The following LOXL3 variants were observed in gnomAD, a reference collection of about 807,000 sequenced individuals.
The protein encoded by LOXL3 is lysyl oxidase like 3.
Under a neutral mutation model 91.8 loss-of-function variants are expected in LOXL3, and 60 were observed. That is an observed-to-expected ratio of 0.65 (90% CI 0.53 to 0.81). LOXL3 has a LOEUF of 0.81. Ranked by LOEUF, LOXL3 falls within the 30% of genes least tolerant of loss-of-function variation. LOXL3 has a pLI of 0.00. For missense variants in LOXL3, 874 were observed against 1,000.4 expected (o/e 0.87, Z 1.70); for synonymous variants, 355 against 387.6 (o/e 0.92, Z 0.99).
At chr2:74,540,216 C>T (rs963539985) in intron 4 of LOXL3, among the ~76,000 whole-genome samples, 12 of 152,136 alleles carry the variant, frequency 7.9e-5, no homozygotes, top group African/African-American at 2.4e-4. Flanking sequence ...AAGTGAAGGC[C>T]GTGGACTCAG....
In LOXL3 at chr2:74,549,945, C is replaced by T; in HGVS notation, c.477+240G>A. On this transcript the variant is annotated intron_variant, in intron 3 of 13. Transcript: ENST00000264094. This position sits in a 1 kb window ranked among gnomAD's most constrained non-coding sequence, Gnocchi z 5.3. ...GAGGAGAAGGAGAGCACCAGGTGCC[C>T]CAGGGGTGACTAGGGATGAAGCTGG... 1.0e-6 allele frequency: 1 copy of T among 985,400 alleles called. No homozygotes were observed. The highest frequency in any genetic ancestry group is 1.2e-6 in the Non-Finnish European group (1 of 829,914). 61.0% of individuals were successfully genotyped at this position (985,400 alleles called of 1,614,324 possible). A position where few individuals can be genotyped will look rare whatever the true frequency, so the allele number is the denominator to read the frequency against.
rs754907401 is a variant in LOXL3, at chr2:74,535,878, G to T, written c.1248+118C>A. 132 of 1,470,926 alleles carry T rather than the reference G, an allele frequency of 9.0e-5. No individual in the cohort carries two copies. Among genetic ancestry groups the T allele is most frequent in the Non-Finnish European group, 9.3e-5 (103 of 1,102,406 alleles). 91.1% of individuals were successfully genotyped at this position (1,470,926 alleles called of 1,614,324 possible). On this transcript the variant is annotated intron_variant, in intron 7 of 13. Transcript: ENST00000264094. This position sits in a 1 kb window ranked among gnomAD's most constrained non-coding sequence, Gnocchi z 4.2. ...GGGCTAGCAAGTGATGGGTCAGGTG[G>T]GAGCTGCAGGAGGGCAGGGGCCTGG...
chr2:74,554,759 A>G (rs1450806228), upstream of LOXL3: 2 of 1,612,718 alleles, frequency 1.2e-6, no homozygotes, highest in South Asian at 1.1e-5. The surrounding 1 kb of genome is among the most constrained non-coding windows in gnomAD (Gnocchi z 4.9). Flanking sequence ...GGGGCCATGG[A>G]CGGAGCAGTG....
chr2:74,547,089 C>T lies in LOXL3; in HGVS notation c.692+2280G>A, dbSNP rs528012850. 9.8e-4 allele frequency among the ~76,000 whole-genome samples: 149 copies of T among 152,316 alleles called. 1 individual carries two copies. Among genetic ancestry groups the T allele is most frequent in the African/African-American group, 3.4e-3 (142 of 41,568 alleles). On this transcript the variant is annotated intron_variant, in intron 4 of 13. Transcript: ENST00000264094. ...GTAGTGGCATGATCACAGCTCACTG[C>T]AGCCTTGACTTCCTGGGCTCAAGCA... is the stretch of plus-strand genomic sequence containing the variant.
At chr2:74,555,477 G>T, upstream of LOXL3, 1 of 1,608,234 alleles carries the variant, frequency 6.2e-7, no homozygotes, top group Non-Finnish European at 8.5e-7. This position sits in a 1 kb window ranked among gnomAD's most constrained non-coding sequence, Gnocchi z 6.1. Context: ...GCGATGCGGG[G>T]TGGGGGCAGT....
intron 4 of LOXL3, among the ~76,000 whole-genome samples, chr2:74,541,672 A>T (rs1265757725): frequency 6.6e-6 from 1 of 152,138 alleles, no homozygotes; most frequent in Non-Finnish European, 1.5e-5. Context: ...CTTGATCTCC[A>T]GAGTAGTACT....
chr2:74,539,722 G>A (rs1481471860), intron 4 of LOXL3: 1 of 152,664 alleles, frequency 6.6e-6, no homozygotes, highest in Non-Finnish European at 1.5e-5. Context: ...GGACATGGAT[G>A]GCTGCCATCC....
upstream of LOXL3, chr2:74,555,091 C>A: frequency 6.5e-7 from 1 of 1,541,196 alleles, no homozygotes; most frequent in Non-Finnish European, 8.7e-7. The surrounding 1 kb of genome is among the most constrained non-coding windows in gnomAD (Gnocchi z 6.1). Flanking sequence ...ACCTCCTTCC[C>A]CGTCGGGACC....
Position 74,535,834 on chromosome 2 carries a change from C to G in LOXL3, c.1249-79G>C. On this transcript the variant is annotated intron_variant, in intron 7 of 13. Transcript: ENST00000264094. This position sits in a 1 kb window ranked among gnomAD's most constrained non-coding sequence, Gnocchi z 4.2. ...GAGTCTCTAACAGATGTGGCTGAAG[C>G]GTGACTCAGGCACATAATGGGCTAG... The G allele has an allele frequency of 2.0e-6, 3 of 1,500,452 alleles. No individual in the cohort carries two copies. 92.9% of individuals were successfully genotyped at this position (1,500,452 alleles called of 1,614,324 possible).
At chr2:74,542,924 C>T (rs1180523046) in intron 4 of LOXL3, among the ~76,000 whole-genome samples, 2 of 152,130 alleles carry the variant, frequency 1.3e-5, no homozygotes, top group African/African-American at 2.4e-5. Context: ...CATGCCCAGC[C>T]TCCTCTTACT....
At chr2:74,544,261 C>T (rs892934059) in intron 4 of LOXL3, among the ~76,000 whole-genome samples, 4 of 151,772 alleles carry the variant, frequency 2.6e-5, no homozygotes, top group Admixed American at 1.3e-4. Context: ...GAGATTGTGC[C>T]ACTGCACTCC....
Position 74,549,611 on chromosome 2 carries a change from G to A in LOXL3, c.478-28C>T. On this transcript the variant is annotated intron_variant, in intron 3 of 13. Transcript: ENST00000264094. The surrounding 1 kb of genome is among the most constrained non-coding windows in gnomAD (Gnocchi z 5.3). ...GGGGGCGGGGCCACAAGCAGGGAAAGAATCCCAGTGGCACCTTTCATGTGT... is the reference window on the plus strand; with the variant it reads ...GGGGGCGGGGCCACAAGCAGGGAAAAAATCCCAGTGGCACCTTTCATGTGT... 6.3e-7 allele frequency: 1 copy of A among 1,589,602 alleles called. No individual in the cohort carries two copies. The highest frequency in any genetic ancestry group is 1.3e-5 in the African/African-American group (1 of 74,684).
At position 74,549,904 on chromosome 2, in the gene LOXL3, G is replaced by T. The variant is rs960586516; in HGVS notation, c.477+281C>A. 1.6e-5 allele frequency: 16 copies of T among 985,356 alleles called. No homozygotes were observed. Among genetic ancestry groups the T allele is most frequent in the Non-Finnish European group, 1.8e-5 (15 of 829,950 alleles). The allele number at this position is 985,356 out of a possible 1,614,324, so 61.0% of individuals were successfully genotyped here. On this transcript the variant is annotated intron_variant, in intron 3 of 13. Transcript: ENST00000264094. The surrounding 1 kb of genome is among the most constrained non-coding windows in gnomAD (Gnocchi z 5.3). ...GAAAGTCAGAAGGAAGATGTCTCAG[G>T]AAAGCAGGAACATTTGAGGAGAAGG...
At chr2:74,546,763 C>G (rs1167777526) in intron 4 of LOXL3, among the ~76,000 whole-genome samples, 2 of 152,196 alleles carry the variant, frequency 1.3e-5, no homozygotes, top group Admixed American at 6.5e-5. Flanking sequence ...GTTGCCCAGG[C>G]TGGAGTGCAA....
At chr2:74,542,266 C>T (rs1305833420) in intron 4 of LOXL3, among the ~76,000 whole-genome samples, 1 of 152,170 alleles carries the variant, frequency 6.6e-6, no homozygotes, top group Non-Finnish European at 1.5e-5. Flanking sequence ...GCACTCTGGC[C>T]TGGTCAACAT....
intron 4 of LOXL3, among the ~76,000 whole-genome samples, chr2:74,542,002 A>T (rs1402140777): frequency 6.6e-6 from 1 of 152,272 alleles, no homozygotes; most frequent in Admixed American, 6.5e-5. Flanking sequence ...AAACATAAAA[A>T]CCTATGTAGG....
intron 4 of LOXL3, among the ~76,000 whole-genome samples, chr2:74,543,077 T>C (rs1676411667): frequency 6.6e-6 from 1 of 152,240 alleles, no homozygotes; most frequent in Non-Finnish European, 1.5e-5. Context: ...TTGGCTGCTA[T>C]AACACTACAA....
chr2:74,546,793 C>G (rs560847100), intron 4 of LOXL3, among the ~76,000 whole-genome samples: 2 of 152,022 alleles, frequency 1.3e-5, no homozygotes, highest in African/African-American at 2.4e-5. Context: ...CTCAGCTCAC[C>G]GCAACCTCCG....
At chr2:74,554,648 C>G (rs749641891), upstream of LOXL3, 1 of 1,123,194 alleles carries the variant, frequency 8.9e-7, no homozygotes, top group South Asian at 1.5e-5. The surrounding 1 kb of genome is among the most constrained non-coding windows in gnomAD (Gnocchi z 4.9). Flanking sequence ...CAGCGGCTGC[C>G]GGCGGGGGCC....
Sources: allele counts gnomAD v4.1 joint callset (sites outside exome capture counted in the v4.1 genomes callset), GRCh38; gene constraint gnomAD v4.1.1; non-coding constraint Gnocchi (gnomAD v3.1); transcripts MANE v1.5; gene names NCBI Gene and HGNC (gene_info 2026-07-23, HGNC 2026-07-21).